Variants in CHEK1 observed in about 807,000 individuals in gnomAD.
CHEK1 encodes checkpoint kinase 1.
In CHEK1, 32 loss-of-function variants were observed where a neutral mutation model predicts 60.2. That is an observed-to-expected ratio of 0.53 (90% CI 0.40 to 0.71). CHEK1 has a LOEUF of 0.71. Ranked by LOEUF, CHEK1 falls within the 30% of genes least tolerant of loss-of-function variation. The pLI, the probability that CHEK1 is intolerant of heterozygous loss-of-function variation, is 0.00. For synonymous variants in CHEK1, 179 were observed against 187.2 expected (o/e 0.96, Z 0.36); for missense variants, 399 against 564.6 (o/e 0.71, Z 2.97).
chr11:125,674,758 T>TA (rs1393067861), intron 13 of CHEK1, among the ~76,000 whole-genome samples: 3 of 152,198 alleles, frequency 2.0e-5, no homozygotes, highest in South Asian at 2.1e-4. Context: ...GATTAAATGA[T>TA]AAAGGGTATT....
chr11:125,679,516 C>A (rs1260875143), downstream of CHEK1, among the ~76,000 whole-genome samples: 1 of 152,132 alleles, frequency 6.6e-6, no homozygotes, highest in African/African-American at 2.4e-5. Context: ...CTGTGTCTGG[C>A]CAATCCATCT....
At chr11:125,639,564 GT>G (rs1405064595) in intron 8 of CHEK1, among the ~76,000 whole-genome samples, 2 of 151,452 alleles carry the variant, frequency 1.3e-5, no homozygotes, top group Non-Finnish European at 2.9e-5. Flanking sequence ...TTTAGTAGAG[GT>G]TTTGCCATGC....
At chr11:125,646,023 G>A (rs1941486963) in intron 11 of CHEK1, among the ~76,000 whole-genome samples, 1 of 152,000 alleles carries the variant, frequency 6.6e-6, no homozygotes, top group African/African-American at 2.4e-5. Context: ...AATGTAAAAT[G>A]CAGTGCTTTT....
Position 125,656,906 on chromosome 11 carries a change from CATTT to C in CHEK1, c.*1593_*1596del, listed in dbSNP as rs1941917884. 3 of 206,254 alleles carry C rather than the reference CATTT, an allele frequency of 1.5e-5. No homozygotes were observed. The highest frequency in any genetic ancestry group is 1.5e-4 in the East Asian group (2 of 13,566). The allele number at this position is 206,254 out of a possible 1,614,324, so 12.8% of individuals were successfully genotyped here. On this transcript the variant is annotated 3_prime_UTR_variant, in exon 13 of 13. Transcript: ENST00000438015. The stretch of plus-strand genomic sequence containing the variant: ...AGTTTCATATTTGGATTAGCTCTGA[CATTT>C]ATTTATCTGAACACTGGTAATTGCC...
At position 125,627,798 on chromosome 11, in the gene CHEK1, A is replaced by G; in HGVS notation, c.257A>G (p.Tyr86Cys). Reference sequence around the variant, plus strand: ...AATATCCAATATTTATTTCTGGAGTACTGTAGTGGAGGAGAGCTTTTTGAC... The same window carrying G: ...AATATCCAATATTTATTTCTGGAGTGCTGTAGTGGAGGAGAGCTTTTTGAC... ...EGNIQYLFLE[Y>C]CSGGELFDRI... The change falls in exon 3 of 13, where the codon TAC becomes TGC. Residue 86 changes from tyrosine (Y) to cysteine (C), a missense_variant. Coordinates refer to ENST00000438015, the MANE Select transcript of CHEK1 (RefSeq NM_001114122.3). 2 of 1,610,952 alleles carry G rather than the reference A, an allele frequency of 1.2e-6. No homozygotes were observed. Among genetic ancestry groups the G allele is most frequent in the Non-Finnish European group, 1.7e-6 (2 of 1,179,210 alleles).
chr11:125,663,133 G>GA (rs151228366), intron 13 of CHEK1, among the ~76,000 whole-genome samples: 11,518 of 141,986 alleles, frequency 0.081, 506 homozygotes, highest in African/African-American at 0.12. Context: ...TGTCATTTGT[G>GA]AAAAAAAAAA....
At chr11:125,680,701 T>C (rs1942757261), downstream of CHEK1, 1 of 1,604,902 alleles carries the variant, frequency 6.2e-7, no homozygotes, top group African/African-American at 1.3e-5. Context: ...CCTTTTGTAT[T>C]TACCTGAAGC....
At chr11:125,644,983 G>A (rs890773261) in intron 11 of CHEK1, among the ~76,000 whole-genome samples, 1 of 152,082 alleles carries the variant, frequency 6.6e-6, no homozygotes, top group Non-Finnish European at 1.5e-5. Flanking sequence ...ACTCCTGCGT[G>A]GCCAACAGAG....
rs896845485 is a variant in CHEK1, at chr11:125,656,435, T to G, written c.*1115T>G. On this transcript the variant is annotated 3_prime_UTR_variant, in exon 13 of 13. Coordinates refer to ENST00000438015, the MANE Select transcript of CHEK1 (RefSeq NM_001114122.3). ...GCCAAGAACATGTAGAATGTTATGA[T>G]TAGAGTTTATCACATATTAATGTAT... is the stretch of plus-strand genomic sequence containing the variant. The G allele has an allele frequency of 9.4e-6, 2 of 211,670 alleles. No homozygotes were observed. The highest frequency in any genetic ancestry group is 2.3e-5 in the African/African-American group (1 of 44,150). The allele number at this position is 211,670 out of a possible 1,614,324, so 13.1% of individuals were successfully genotyped here.
chr11:125,680,627 T>C (rs1005241967), downstream of CHEK1: 6 of 1,020,850 alleles, frequency 5.9e-6, no homozygotes, highest in Non-Finnish European at 8.9e-6. Flanking sequence ...CTGACTCAGA[T>C]TGGTTTGGGT....
At chr11:125,640,673 G>T (rs1199000339) in intron 8 of CHEK1, among the ~76,000 whole-genome samples, 1 of 151,440 alleles carries the variant, frequency 6.6e-6, no homozygotes, top group Non-Finnish European at 1.5e-5. Context: ...GAGCTTAAAT[G>T]ATCCTCCCAT....
chr11:125,634,000 T>TTTTG (rs1197819592), intron 6 of CHEK1, among the ~76,000 whole-genome samples: 1 of 147,964 alleles, frequency 6.8e-6, no homozygotes, highest in Non-Finnish European at 1.5e-5. Context: ...CTATTGTGGT[T>TTTTG]TTTTTTTTTT....
intron 5 of CHEK1, among the ~76,000 whole-genome samples, chr11:125,632,540 T>C (rs949811522): frequency 2.6e-5 from 4 of 152,184 alleles, no homozygotes; most frequent in African/African-American, 7.2e-5. Context: ...TAAGTTACAG[T>C]AGATATTCAC....
chr11:125,667,010 A>T (rs534052484), intron 13 of CHEK1, among the ~76,000 whole-genome samples: 1 of 147,074 alleles, frequency 6.8e-6, no homozygotes, highest in Non-Finnish European at 1.5e-5. Flanking sequence ...AGAAAAATTT[A>T]CCTTTGTTAT....
At chr11:125,669,217 G>A (rs1329397322) in intron 13 of CHEK1, among the ~76,000 whole-genome samples, 1 of 152,178 alleles carries the variant, frequency 6.6e-6, no homozygotes, top group African/African-American at 2.4e-5. Flanking sequence ...TTTAGCTTGT[G>A]TGCATCTACT....
At chr11:125,662,235 G>T (rs998743064) in intron 13 of CHEK1, among the ~76,000 whole-genome samples, 2 of 152,354 alleles carry the variant, frequency 1.3e-5, no homozygotes, top group East Asian at 1.9e-4. Flanking sequence ...AGCAGATTCA[G>T]TGTCTGGTGA....
chr11:125,651,301 T>C (rs1210988530), intron 11 of CHEK1, among the ~76,000 whole-genome samples: 3 of 150,712 alleles, frequency 2.0e-5, no homozygotes, highest in Non-Finnish European at 4.4e-5. Context: ...TTTTTTTTTT[T>C]TTTTGAGATG....
At chr11:125,644,812 C>T (rs989684890) in intron 11 of CHEK1, among the ~76,000 whole-genome samples, 169 bp downstream of exon 11, 1 of 151,996 alleles carries the variant, frequency 6.6e-6, no homozygotes, top group East Asian at 1.9e-4. Flanking sequence ...GGTTCGAGAC[C>T]AGCCTGGCCA....
At chr11:125,671,241 T>TA (rs1942195975) in intron 13 of CHEK1, among the ~76,000 whole-genome samples, 1 of 152,160 alleles carries the variant, frequency 6.6e-6, no homozygotes, top group Non-Finnish European at 1.5e-5. Flanking sequence ...CCTCAACACC[T>TA]ATACCTAGTA....
Sources: allele counts gnomAD v4.1 joint callset (sites outside exome capture counted in the v4.1 genomes callset), GRCh38; gene constraint gnomAD v4.1.1; transcripts MANE v1.5; gene names NCBI Gene and HGNC (gene_info 2026-07-23, HGNC 2026-07-21).